Variants in CD163L1 observed in about 807,000 individuals in gnomAD.
CD163L1 encodes the protein CD163 molecule like 1.
Under a neutral mutation model 165.4 loss-of-function variants are expected in CD163L1, and 124 were observed. The observed-to-expected ratio is 0.75, with a 90% CI of 0.65 to 0.87. The LOEUF is 0.87. Among genes scored for constraint, CD163L1 ranks in the 40% least tolerant of loss-of-function variants. The pLI, the probability that CD163L1 is intolerant of heterozygous loss-of-function variation, is 0.00. For synonymous variants in CD163L1, 585 were observed against 662.2 expected (o/e 0.88, Z 1.79); for missense variants, 1,525 against 1,799.9 (o/e 0.85, Z 2.76).
the CD163L1 span, chr12:7,320,748 G>A: frequency 9.3e-6 from 15 of 1,613,470 alleles, no homozygotes; most frequent in African/African-American, 2.7e-5. Context: ...ATCCCATCAC[G>A]ACCCTGTGCA....
chr12:7,334,821 A>G, the CD163L1 span, among the ~76,000 whole-genome samples: 2 of 152,226 alleles, frequency 1.3e-5, no homozygotes, highest in Admixed American at 6.5e-5. Flanking sequence ...ATATGCAAAA[A>G]TCACAAGCAT....
intron 8 of CD163L1, among the ~76,000 whole-genome samples, chr12:7,380,230 C>T (rs1947355733): frequency 6.6e-6 from 1 of 151,634 alleles, no homozygotes; most frequent in African/African-American, 2.4e-5. Flanking sequence ...AAATATGGAA[C>T]CAGCCCAAAT....
chr12:7,334,548 A>G, the CD163L1 span, among the ~76,000 whole-genome samples: 3 of 152,224 alleles, frequency 2.0e-5, no homozygotes, highest in African/African-American at 7.2e-5. Context: ...TGAATGGGCA[A>G]AAACCGGAAG....
In CD163L1 at chr12:7,347,752, CAG is replaced by C. The variant is rs1195919362; in HGVS notation, c.*25-607_*25-606del. On this transcript the variant is annotated intron_variant, in intron 4 of 4. Coordinates refer to the CD163L1 transcript ENST00000539726. The surrounding 1 kb of genome is among the most constrained non-coding windows in gnomAD (Gnocchi z 4.2). Reference sequence around the variant, plus strand: ...CGCCACTGCACTCCAGCCTGGGTGACAGAGCGAGACTCCGTCTCAAAAAAAAA... The same window carrying C: ...CGCCACTGCACTCCAGCCTGGGTGACAGCGAGACTCCGTCTCAAAAAAAAA... Among the ~76,000 whole-genome samples the C allele has an allele frequency of 1.3e-5, 2 of 151,198 alleles. No individual in the cohort carries two copies. The highest frequency in any genetic ancestry group is 2.9e-5 in the Non-Finnish European group (2 of 67,864).
chr12:7,359,814 C>T lies in CD163L1; in HGVS notation c.4280-2328G>A, dbSNP rs1018343369. 3.3e-5 allele frequency among the ~76,000 whole-genome samples: 5 copies of T among 152,130 alleles called. No homozygotes were observed. The South Asian group carries it at 8.3e-4, about 25-fold the overall frequency. ...GATATAGAATTCTGGATTGACAGTT[C>T]TTTTCATTTAGCACTTTAAAGACTT... On this transcript the variant is annotated intron_variant, in intron 18 of 19. Coordinates refer to ENST00000313599, the MANE Select transcript of CD163L1 (RefSeq NM_174941.6).
rs1305377180 is a variant in CD163L1 at position 7,379,057 on chromosome 12, G to T, written c.2292C>A (p.Ala764=). Reference sequence around the variant, plus strand: ...CCCATCGTATACAATCCCAGAGAGAGGCTTCCCCTCCAGTGCAGCCAGAAT... The same window carrying T: ...CCCATCGTATACAATCCCAGAGAGATGCTTCCCCTCCAGTGCAGCCAGAAT... ...MSNSGCTGGE[A]SLWDCIRWEW... The change falls in exon 9 of 20, where the codon GCC becomes GCA. Residue 764 remains alanine, a synonymous_variant. Transcript: ENST00000313599. The T allele has an allele frequency of 1.7e-5, 28 of 1,613,970 alleles. No homozygotes were observed. Among genetic ancestry groups the T allele is most frequent in the Admixed American group, 6.7e-5 (4 of 60,002 alleles).
chr12:7,392,011 T>C (rs1267871923), intron 8 of CD163L1, among the ~76,000 whole-genome samples: 1 of 152,110 alleles, frequency 6.6e-6, no homozygotes, highest in Non-Finnish European at 1.5e-5. Context: ...ATTAGACAGA[T>C]CAATAAGACA....
At chr12:7,319,373 C>G in the CD163L1 span, among the ~76,000 whole-genome samples, 1 of 152,066 alleles carries the variant, frequency 6.6e-6, no homozygotes, top group Middle Eastern at 3.4e-3. Context: ...AGGTGGATCA[C>G]GAGGTCAGGA....
At chr12:7,411,221 T>C (rs1018443891) in intron 4 of CD163L1, among the ~76,000 whole-genome samples, 6 of 152,204 alleles carry the variant, frequency 3.9e-5, no homozygotes, top group African/African-American at 1.4e-4. Context: ...TCGTTTCCTT[T>C]TTAAAGAATA....
the CD163L1 span, among the ~76,000 whole-genome samples, chr12:7,325,356 A>T: frequency 2.6e-5 from 4 of 152,248 alleles, no homozygotes; most frequent in African/African-American, 9.6e-5. Flanking sequence ...AGACAAATAG[A>T]AAATGGTGGG....
At chr12:7,430,594 T>C (rs1332367238) in intron 4 of CD163L1, among the ~76,000 whole-genome samples, 1 of 152,180 alleles carries the variant, frequency 6.6e-6, no homozygotes, top group African/African-American at 2.4e-5. Flanking sequence ...CCCATCCCTC[T>C]GGTATTAGCA....
intron 4 of CD163L1, among the ~76,000 whole-genome samples, chr12:7,423,204 C>G (rs1466802054): frequency 1.3e-5 from 2 of 152,104 alleles, no homozygotes; most frequent in East Asian, 3.9e-4. Context: ...TACATGGAAA[C>G]TGAACAACTT....
intron 8 of CD163L1, among the ~76,000 whole-genome samples, chr12:7,395,892 C>G (rs1205868606): frequency 1.3e-5 from 2 of 152,136 alleles, no homozygotes; most frequent in East Asian, 3.9e-4. Flanking sequence ...GGGTAGATAT[C>G]AGAAAATGAA....
intron 4 of CD163L1, among the ~76,000 whole-genome samples, chr12:7,408,445 T>C (rs1352270614): frequency 1.3e-5 from 2 of 152,148 alleles, no homozygotes; most frequent in African/African-American, 2.4e-5. Context: ...ATTAGCAATA[T>C]TTTTAAACTA....
chr12:7,324,493 C>T, the CD163L1 span: 2 of 1,613,840 alleles, frequency 1.2e-6, no homozygotes, highest in Non-Finnish European at 1.7e-6. Flanking sequence ...TTCTTTTCCT[C>T]TTCAGGTACC....
At chr12:7,412,929 T>C (rs1358102793) in intron 4 of CD163L1, among the ~76,000 whole-genome samples, 1 of 151,726 alleles carries the variant, frequency 6.6e-6, no homozygotes, top group African/African-American at 2.4e-5. Flanking sequence ...ACCCCGTCTC[T>C]ACTAAAAATA....
At chr12:7,327,181 TA>T in the CD163L1 span, 1 of 1,412,624 alleles carries the variant, frequency 7.1e-7, no homozygotes, top group Non-Finnish European at 9.4e-7. Flanking sequence ...TTTGATTTTA[TA>T]GTAGCTCATT....
intron 6 of CD163L1, among the ~76,000 whole-genome samples, chr12:7,402,485 T>C (rs931853493): frequency 2.6e-5 from 4 of 152,138 alleles, no homozygotes; most frequent in African/African-American, 9.7e-5. Context: ...TATACCTTCA[T>C]GTAAACAGCA....
chr12:7,422,113 G>A (rs1390212700), intron 4 of CD163L1, among the ~76,000 whole-genome samples: 15 of 152,208 alleles, frequency 9.9e-5, no homozygotes, highest in African/African-American at 2.9e-4. Context: ...AATATTTGCC[G>A]TTCTGCACAC....
Sources: gnomAD v4.1 joint callset for allele counts (sites outside exome capture counted in the v4.1 genomes callset) on GRCh38, gnomAD v4.1.1 for gene constraint, Gnocchi (gnomAD v3.1) non-coding constraint, MANE v1.5 for transcripts, NCBI Gene and HGNC (gene_info 2026-07-23, HGNC 2026-07-21) for gene names.